CIT: variants seen among roughly 807,000 people sequenced by gnomAD.
CIT encodes the protein citron Rho-interacting kinase.
Under a neutral mutation model 272.7 loss-of-function variants are expected in CIT, and 79 were observed. The ratio of observed to expected loss-of-function variants is 0.29; its 90% CI spans 0.24 to 0.35. The LOEUF is 0.35. CIT is among the 10% of genes least tolerant of loss of function. CIT has a pLI of 1.00. For synonymous variants in CIT, 948 were observed against 995.6 expected, an observed-to-expected ratio of 0.95 and a Z score of 0.90; for missense variants, 1,909 against 2,618.3, an observed-to-expected ratio of 0.73 and a Z score of 5.91.
intron 28 of CIT, among the ~76,000 whole-genome samples, chr12:119,727,986 T>C (rs1273842456): frequency 6.6e-6 from 1 of 151,258 alleles, no homozygotes; most frequent in Admixed American, 6.6e-5. Flanking sequence ...GGAGGAAACC[T>C]GGATGCATAT....
rs751448094 is a variant in CIT at position 119,752,050 on chromosome 12, C to T, written c.2904G>A (p.Thr968=). The T allele has an allele frequency of 7.4e-6, 12 of 1,610,870 alleles. No homozygotes were observed. Among genetic ancestry groups the T allele is most frequent in the Admixed American group, 3.3e-5 (2 of 59,924 alleles). The change falls in exon 23 of 48, where the codon ACG becomes ACA. Residue 968 remains threonine (T), a splice_region_variant and synonymous_variant. Coordinates refer to ENST00000392521, the MANE Select transcript of CIT (RefSeq NM_001206999.2). ...TGAAGATGTTGCTCCCCAGACCTAC[C>T]GTGAGTGCCTGGATCTCCTCTTCAG... The part of the protein sequence containing the change: ...AEAEEEIQAL[T]AHRDEIQRKF...
At chr12:119,816,380 C>G (rs1392290047) in intron 9 of CIT, among the ~76,000 whole-genome samples, 1 of 152,190 alleles carries the variant, frequency 6.6e-6, no homozygotes, top group Admixed American at 6.5e-5. Flanking sequence ...CCCAGCAGTT[C>G]TAAGCAGTCC....
intron 22 of CIT, among the ~76,000 whole-genome samples, chr12:119,752,471 C>T (rs1395076656): frequency 2.0e-5 from 3 of 152,150 alleles, no homozygotes; most frequent in African/African-American, 7.2e-5. Flanking sequence ...TATCTCCTAA[C>T]CACCCCTTAC....
intron 26 of CIT, among the ~76,000 whole-genome samples, chr12:119,731,408 AGAGTTGCAGT>A (rs1211387786): frequency 2.1e-5 from 3 of 143,876 alleles, no homozygotes; most frequent in African/African-American, 8.2e-5. Flanking sequence ...CTCGGGAGGC[AGAGTTGCAGT>A]GAGCCGAGAT....
Position 119,721,092 on chromosome 12 carries a change from G to A in CIT, c.3732+217C>T, listed in dbSNP as rs553955740. 2.1e-3 allele frequency among the ~76,000 whole-genome samples: 318 copies of A among 152,122 alleles called. 5 individuals are homozygous for A. The highest frequency in any genetic ancestry group is 7.4e-3 in the African/African-American group (306 of 41,498). On this transcript the variant is annotated intron_variant, in intron 29 of 47. Coordinates refer to ENST00000392521, the MANE Select transcript of CIT (RefSeq NM_001206999.2). Reference sequence around the variant, plus strand: ...AGCCATTCTCCTTCCTCAGTCTCCCGAGTAGCTGGGACTACAGGCACCCGC... The same window carrying A: ...AGCCATTCTCCTTCCTCAGTCTCCCAAGTAGCTGGGACTACAGGCACCCGC...
intron 41 of CIT, among the ~76,000 whole-genome samples, chr12:119,702,768 G>GA (rs11397834): frequency 0.059 from 8,869 of 151,054 alleles, 842 homozygotes; most frequent in African/African-American, 0.2. Context: ...CTTATCACAG[G>GA]AAAAAAAAAT....
At chr12:119,720,941 A>G (rs1021572790) in intron 29 of CIT, among the ~76,000 whole-genome samples, 10 of 152,252 alleles carry the variant, frequency 6.6e-5, no homozygotes, top group Middle Eastern at 3.4e-3. Flanking sequence ...TGACTGTACA[A>G]TCATGCTTTG....
intron 1 of CIT, 82 bp downstream of exon 1, chr12:119,877,167 G>A (rs1227491955): frequency 6.6e-6 from 1 of 152,306 alleles, no homozygotes; most frequent in East Asian, 1.9e-4. Flanking sequence ...GGGAAACCCG[G>A]GACTTGTATG....
At chr12:119,741,653 T>C (rs1324620501) in intron 24 of CIT, among the ~76,000 whole-genome samples, 1 of 152,022 alleles carries the variant, frequency 6.6e-6, no homozygotes, top group East Asian at 1.9e-4. Flanking sequence ...ATGCAAATAA[T>C]ACAAACAAGG....
chr12:119,730,542 G>C lies in CIT; in HGVS notation c.3439C>G (p.Gln1147Glu). ...TTCAGCTTCTGCTCTTTGAGAGCCT[G>C]CTGCAGAGCGAGAATCTCAGCCTTG... is the stretch of plus-strand genomic sequence containing the variant. ...EHKAEILALQ[Q>E]ALKEQKLKAE... Residue 1147 changes from glutamine to glutamate, a missense_variant, in exon 27 of 48, where the codon CAG becomes GAG. By Grantham distance (29) the Gln-to-Glu change is conservative. Transcript: ENST00000392521. 1 of 1,614,084 alleles carries C rather than the reference G, an allele frequency of 6.2e-7. No individual in the cohort carries two copies.
chr12:119,760,646 G>A (rs1961663445), intron 20 of CIT, among the ~76,000 whole-genome samples: 1 of 151,590 alleles, frequency 6.6e-6, no homozygotes. Context: ...AAAAAGAGCA[G>A]GAAGACCAAG....
intron 24 of CIT, among the ~76,000 whole-genome samples, chr12:119,735,755 C>T (rs1358813246): frequency 1.3e-5 from 2 of 152,194 alleles, no homozygotes; most frequent in East Asian, 3.8e-4. Context: ...GACACTATCA[C>T]TAGGACCTTA....
At chr12:119,862,413 G>A (rs560935887) in intron 3 of CIT, among the ~76,000 whole-genome samples, 2 of 152,126 alleles carry the variant, frequency 1.3e-5, no homozygotes, top group Non-Finnish European at 2.9e-5. Flanking sequence ...GTAAGATTTT[G>A]AGGGATTTTT....
At position 119,713,660 on chromosome 12, in the gene CIT, C is replaced by T. The variant is rs1957288299; in HGVS notation, c.4307-12G>A. 1.9e-6 allele frequency: 3 copies of T among 1,614,068 alleles called. No individual in the cohort carries two copies. Among genetic ancestry groups the T allele is most frequent in the East Asian group, 2.2e-5 (1 of 44,890 alleles). On this transcript the variant is annotated splice_polypyrimidine_tract_variant and intron_variant, in intron 33 of 47. Transcript: ENST00000392521. The surrounding 1 kb of genome is among the most constrained non-coding windows in gnomAD (Gnocchi z 5.2). Reference sequence around the variant, plus strand: ...CATCACCTGACATTCTAGGGAAGAACAGTGAGCAACCTGAGGGCATGCTCA... The same window carrying T: ...CATCACCTGACATTCTAGGGAAGAATAGTGAGCAACCTGAGGGCATGCTCA...
intron 13 of CIT, among the ~76,000 whole-genome samples, chr12:119,778,108 C>T (rs971821281): frequency 5.3e-5 from 8 of 152,178 alleles, no homozygotes; most frequent in Non-Finnish European, 1.0e-4. Context: ...GGAAGAGTCA[C>T]AAAACACTGG....
chr12:119,839,173 C>T (rs912855617), intron 5 of CIT, among the ~76,000 whole-genome samples: 4 of 152,188 alleles, frequency 2.6e-5, no homozygotes, highest in Admixed American at 2.0e-4. Context: ...ACCCCAGTAC[C>T]AGGAAGGCAA....
At chr12:119,830,275 A>G (rs1322082162) in intron 7 of CIT, among the ~76,000 whole-genome samples, 3 of 151,790 alleles carry the variant, frequency 2.0e-5, no homozygotes, top group Non-Finnish European at 4.4e-5. Context: ...CCTTGACCAA[A>G]ATAATCAGAG....
intron 9 of CIT, among the ~76,000 whole-genome samples, chr12:119,821,088 G>A (rs1030704901): frequency 5.9e-5 from 9 of 151,864 alleles, no homozygotes; most frequent in Admixed American, 1.3e-4. Context: ...CTGAGGTCAG[G>A]AGTTCAAGAT....
intron 22 of CIT, among the ~76,000 whole-genome samples, chr12:119,756,211 G>C (rs865857311): frequency 1.3e-5 from 2 of 152,220 alleles, no homozygotes; most frequent in African/African-American, 4.8e-5. Context: ...TTACCAGAAG[G>C]AGGGCCTGGG....
Sources: gnomAD v4.1 joint callset for allele counts (sites outside exome capture counted in the v4.1 genomes callset) on GRCh38, gnomAD v4.1.1 for gene constraint, Gnocchi (gnomAD v3.1) non-coding constraint, MANE v1.5 for transcripts, NCBI Gene and HGNC (gene_info 2026-07-23, HGNC 2026-07-21) for gene names.